The following SLC35G1 variants were observed in gnomAD, a reference collection of about 807,000 sequenced individuals.
SLC35G1 encodes the protein solute carrier family 35 member G1, also known as partner of STIM1.
In SLC35G1, 10 loss-of-function variants were observed where a neutral mutation model predicts 17.1. The ratio of observed to expected loss-of-function variants is 0.59; its 90% CI spans 0.36 to 0.99. The LOEUF is 0.99. Among genes scored for constraint, SLC35G1 ranks in the 50% least tolerant of loss-of-function variants. The pLI is 0.01. For synonymous variants in SLC35G1, 185 were observed against 181.1 expected (o/e 1.02, Z -0.18); for missense variants, 433 against 468.4 (o/e 0.92, Z 0.70).
At chr10:93,894,289 A>T (rs1291106572) in intron 1 of SLC35G1, 78 bp downstream of exon 1, 4 of 1,265,324 alleles carry the variant, frequency 3.2e-6, no homozygotes, top group African/African-American at 1.6e-5. Flanking sequence ...GGTCCCCGCA[A>T]CCCGGGCACA....
intron 2 of SLC35G1, among the ~76,000 whole-genome samples, chr10:93,900,022 C>T (rs1174738676): frequency 6.6e-6 from 1 of 152,144 alleles, no homozygotes; most frequent in African/African-American, 2.4e-5. Flanking sequence ...AAGTCTAGCC[C>T]TGGCACACGT....
downstream of SLC35G1, chr10:93,907,478 G>A (rs554748561): frequency 6.6e-6 from 1 of 152,272 alleles, no homozygotes; most frequent in South Asian, 2.1e-4. Flanking sequence ...TAGAGTACTG[G>A]TTAAGTAAGT....
chr10:93,904,169 G>T (rs2060414985), downstream of SLC35G1, among the ~76,000 whole-genome samples: 1 of 152,108 alleles, frequency 6.6e-6, no homozygotes, highest in Non-Finnish European at 1.5e-5. Flanking sequence ...TTATTGTCTT[G>T]TGGATTTATT....
intron 2 of SLC35G1, among the ~76,000 whole-genome samples, 198 bp downstream of exon 2, chr10:93,898,949 A>G (rs1470831443): frequency 6.6e-6 from 1 of 152,174 alleles, no homozygotes. Flanking sequence ...TACCCAACAA[A>G]GTGGGGAGAA....
chr10:93,904,340 G>A (rs2134073011), downstream of SLC35G1, among the ~76,000 whole-genome samples: 1 of 152,204 alleles, frequency 6.6e-6, no homozygotes, highest in South Asian at 2.1e-4. Flanking sequence ...TGTTTTCACT[G>A]TTACTCTAGT....
intron 1 of SLC35G1, among the ~76,000 whole-genome samples, chr10:93,894,441 T>C (rs372956702): frequency 6.6e-6 from 1 of 152,078 alleles, no homozygotes; most frequent in South Asian, 2.1e-4. Flanking sequence ...AGCAGTCCTT[T>C]TGGGATTCCG....
downstream of SLC35G1, chr10:93,907,557 C>T (rs1368522356): frequency 2.6e-5 from 4 of 152,036 alleles, no homozygotes; most frequent in South Asian, 8.3e-4. Context: ...GGAAGCTTTC[C>T]ATATATGGGT....
At chr10:93,906,702 C>T (rs372334379), downstream of SLC35G1, among the ~76,000 whole-genome samples, 295 of 151,978 alleles carry the variant, frequency 1.9e-3, 1 homozygote, top group Non-Finnish European at 3.3e-3. Context: ...ATAAAATTCA[C>T]AAAAATTAGA....
Position 93,902,473 on chromosome 10 carries a change from A to G in SLC35G1, c.*983A>G, listed in dbSNP as rs902159648. The G allele has an allele frequency of 2.6e-5, 4 of 152,604 alleles. No homozygotes were observed. The highest frequency in any genetic ancestry group is 2.1e-4 in the South Asian group (1 of 4,824). The allele number at this position is 152,604 out of a possible 1,614,324, so 9.5% of individuals were successfully genotyped here. A position where few individuals can be genotyped will look rare whatever the true frequency, so the allele number is the denominator to read the frequency against. On this transcript the variant is annotated 3_prime_UTR_variant, in exon 3 of 3. Coordinates refer to ENST00000427197, the MANE Select transcript of SLC35G1 (RefSeq NM_001134658.3). ...CATATGTAATTGCCAAGATTTTACTATTTTAACTTAGAAAAACCATCGTTT... is the reference window on the plus strand; with the variant it reads ...CATATGTAATTGCCAAGATTTTACTGTTTTAACTTAGAAAAACCATCGTTT...
Position 93,901,750 on chromosome 10 carries a change from ATTGT to A in SLC35G1, c.*264_*267del, listed in dbSNP as rs1421320235. 9 of 333,522 alleles carry A rather than the reference ATTGT, an allele frequency of 2.7e-5. No homozygotes were observed. Among genetic ancestry groups the A allele is most frequent in the Non-Finnish European group, 4.3e-5 (8 of 186,628 alleles). The allele number at this position is 333,522 out of a possible 1,614,324, so 20.7% of individuals were successfully genotyped here. A position where few individuals can be genotyped will look rare whatever the true frequency, so the allele number is the denominator to read the frequency against. On this transcript the variant is annotated 3_prime_UTR_variant, in exon 3 of 3. Transcript: ENST00000427197. Reference sequence around the variant, plus strand: ...GGTCAAGTTGGTGAGAGGAGAGCTCATTGTTTGAAGAAAAACCAAAACATTTTAT... The same window carrying A: ...GGTCAAGTTGGTGAGAGGAGAGCTCATTGAAGAAAAACCAAAACATTTTAT...
chr10:93,897,993 G>A (rs2060347176), intron 1 of SLC35G1, among the ~76,000 whole-genome samples: 1 of 152,202 alleles, frequency 6.6e-6, no homozygotes, highest in Non-Finnish European at 1.5e-5. Context: ...GTCTTTCCCT[G>A]AAGTTCTCTC....
In SLC35G1 at chr10:93,898,660, A is replaced by G. The variant is rs1303572718; in HGVS notation, c.268A>G (p.Lys90Glu). The G allele has an allele frequency of 6.2e-7, 1 of 1,613,996 alleles. No homozygotes were observed. Among genetic ancestry groups the G allele is most frequent in the Non-Finnish European group, 8.5e-7 (1 of 1,179,938 alleles). ...FLFSVGSLFV[K>E]KVQDVHAVEI... ...TTTCTCAGTGGGCTCTTTATTTGTT[A>G]AAAAAGTGCAAGACGTCCATGCTGT... The change falls in exon 2 of 3, where the codon AAA becomes GAA. Residue 90 changes from lysine to glutamate, a missense_variant. Coordinates refer to ENST00000427197, the MANE Select transcript of SLC35G1 (RefSeq NM_001134658.3).
downstream of SLC35G1, chr10:93,906,282 T>G (rs891053595): frequency 4.5e-4 from 68 of 152,342 alleles, no homozygotes; most frequent in African/African-American, 1.5e-3. Flanking sequence ...CTGGGCTACA[T>G]GGAGAAGCCC....
downstream of SLC35G1, among the ~76,000 whole-genome samples, chr10:93,906,609 A>G (rs567356854): frequency 9.2e-5 from 14 of 152,368 alleles, no homozygotes; most frequent in East Asian, 2.7e-3. Flanking sequence ...CACAATCACA[A>G]TTACATAAAG....
At chr10:93,906,037 C>T (rs748681438), downstream of SLC35G1, among the ~76,000 whole-genome samples, 8 of 152,096 alleles carry the variant, frequency 5.3e-5, no homozygotes, top group East Asian at 5.8e-4. Flanking sequence ...CTGTTCTTAC[C>T]GCTGTTCCAA....
rs750242282 is a variant in SLC35G1, at chr10:93,901,028, G to A, written c.636G>A (p.Ser212=). 18 of 1,613,910 alleles carry A rather than the reference G, an allele frequency of 1.1e-5. No homozygotes were observed. The East Asian group carries it at 1.6e-4, about 14-fold the overall frequency. ...CATTTTTGTTTGGTTCCGACACTTC[G>A]GGGATGGAAGAAAGCTATTCAGGCC... ...RPPFLFGSDT[S]GMEESYSGHL... The change falls in exon 3 of 3, where the codon TCG becomes TCA. Residue 212 remains serine, a synonymous_variant. Transcript: ENST00000427197.
chr10:93,909,704 CTA>C (rs2060448818), exon 3 of SLC35G1: 1 of 152,218 alleles, frequency 6.6e-6, no homozygotes, highest in South Asian at 2.1e-4. Flanking sequence ...TATCAAATAA[CTA>C]TGTGATTATA....
chr10:93,899,570 A>G (rs190831510), intron 2 of SLC35G1, among the ~76,000 whole-genome samples: 71 of 152,270 alleles, frequency 4.7e-4, no homozygotes, highest in African/African-American at 1.5e-3. Context: ...AAAAAAGGCT[A>G]CACCCCAAAT....
downstream of SLC35G1, among the ~76,000 whole-genome samples, chr10:93,906,772 AG>A (rs2060431868): frequency 6.6e-6 from 1 of 152,186 alleles, no homozygotes; most frequent in Non-Finnish European, 1.5e-5. Flanking sequence ...CTGTTTTCAA[AG>A]TGTGGTTTGG....
Sources: gnomAD v4.1 joint callset for allele counts (sites outside exome capture counted in the v4.1 genomes callset) on GRCh38, gnomAD v4.1.1 for gene constraint, MANE v1.5 for transcripts, NCBI Gene and HGNC (gene_info 2026-07-23, HGNC 2026-07-21) for gene names.